Variants in ARHGAP42 observed in about 807,000 individuals in gnomAD.
The protein encoded by ARHGAP42 is rho GTPase-activating protein 42.
A neutral mutation model predicts 125.0 loss-of-function variants in ARHGAP42; 63 were observed. The observed-to-expected ratio is 0.50, with a 90% CI of 0.41 to 0.62. ARHGAP42 has a LOEUF of 0.62. Among genes scored for constraint, ARHGAP42 ranks in the 20% least tolerant of loss-of-function variants. ARHGAP42 has a pLI of 0.00. For missense variants in ARHGAP42, 766 were observed against 1,024.2 expected (o/e 0.75, Z 3.44); for synonymous variants, 339 against 351.0 (o/e 0.97, Z 0.38).
intron 22 of ARHGAP42, among the ~76,000 whole-genome samples, chr11:100,981,015 C>A (rs1355249681): frequency 6.6e-6 from 1 of 152,208 alleles, no homozygotes. Context: ...TGTGTGACAA[C>A]TTTTCACTGA....
chr11:100,781,953 A>G (rs1304479746), intron 2 of ARHGAP42, among the ~76,000 whole-genome samples: 1 of 144,932 alleles, frequency 6.9e-6, no homozygotes, highest in Admixed American at 7.0e-5. Flanking sequence ...TTTTTTGTGC[A>G]TTTAGAGCAT....
At chr11:100,878,347 C>G (rs1290158651) in intron 4 of ARHGAP42, among the ~76,000 whole-genome samples, 1 of 151,962 alleles carries the variant, frequency 6.6e-6, no homozygotes, top group Non-Finnish European at 1.5e-5. Flanking sequence ...TCAACTGTTT[C>G]CTTTTGGGTT....
intron 1 of ARHGAP42, among the ~76,000 whole-genome samples, chr11:100,725,146 G>T (rs192595080): frequency 6.7e-6 from 1 of 149,900 alleles, no homozygotes; most frequent in African/African-American, 2.4e-5. Context: ...TCCCTTATGC[G>T]CCCATTTTAT....
rs1368334889 is a variant in ARHGAP42 at position 100,974,447 on chromosome 11, T to C, written c.1711-12T>C. 2.6e-6 allele frequency: 4 copies of C among 1,547,668 alleles called. No individual in the cohort carries two copies. In the Admixed American group the frequency reaches 7.9e-5, roughly 30 times the overall value. The stretch of plus-strand genomic sequence containing the variant: ...CCTTTTATTGACCTTGGTCCATTTT[T>C]CTTATACGTAGATTTTTCATACTGC... On this transcript the variant is annotated splice_polypyrimidine_tract_variant and intron_variant, in intron 18 of 23. Coordinates refer to ENST00000298815, the MANE Select transcript of ARHGAP42 (RefSeq NM_152432.4).
Position 100,687,804 on chromosome 11 carries a change from C to A in ARHGAP42, c.126C>A (p.Asp42Glu). The change falls in exon 1 of 24, where the codon GAC becomes GAA. Residue 42 changes from aspartate to glutamate, a missense_variant. Physicochemically the swap from Asp to Glu is conservative, Grantham distance 45 (BLOSUM62 2). Around this residue, in one of 3 missense-constraint regions of ARHGAP42, gnomAD observed 455 missense variants for 636.5 expected, o/e 0.71. Coordinates refer to ENST00000298815, the MANE Select transcript of ARHGAP42 (RefSeq NM_152432.4). ...TNKFIKELIK[D>E]GSLLIGALRN... ...AGTTCATCAAGGAGCTCATTAAGGA[C>A]GGCTCTCTGCTCATTGGGGCGTTGA... 6.4e-7 allele frequency: 1 copy of A among 1,550,630 alleles called. No homozygotes were observed. The highest frequency in any genetic ancestry group is 8.7e-7 in the Non-Finnish European group (1 of 1,146,356).
chr11:100,992,991 A>C lies in ARHGAP42; in HGVS notation c.*4190A>C. The C allele has an allele frequency of 3.1e-6, 1 of 320,212 alleles. No individual in the cohort carries two copies. Among genetic ancestry groups the C allele is most frequent in the Non-Finnish European group, 6.0e-6 (1 of 166,234 alleles). 19.8% of individuals were successfully genotyped at this position (320,212 alleles called of 1,614,324 possible). A position where few individuals can be genotyped will look rare whatever the true frequency, so the allele number is the denominator to read the frequency against. ...AATGGAGTCTGTGTGCTTACTGAAGAGTCCCAAAAACCAGAGACCATTTTC... is the reference window on the plus strand; with the variant it reads ...AATGGAGTCTGTGTGCTTACTGAAGCGTCCCAAAAACCAGAGACCATTTTC... On this transcript the variant is annotated 3_prime_UTR_variant, in exon 24 of 24. Transcript: ENST00000298815.
At chr11:100,934,830 C>T (rs752829979) in intron 7 of ARHGAP42, among the ~76,000 whole-genome samples, 1 of 152,040 alleles carries the variant, frequency 6.6e-6, no homozygotes, top group Non-Finnish European at 1.5e-5. Flanking sequence ...GGATTTATTC[C>T]CTTGTGTTTT....
At chr11:100,913,272 A>C (rs1464635484) in intron 4 of ARHGAP42, among the ~76,000 whole-genome samples, 180 bp from the exon 5 acceptor site, 3 of 152,220 alleles carry the variant, frequency 2.0e-5, no homozygotes, top group African/African-American at 4.8e-5. Flanking sequence ...AGCAGAGTAC[A>C]TACTGAAATG....
intron 1 of ARHGAP42, among the ~76,000 whole-genome samples, chr11:100,737,862 T>C (rs1322591509): frequency 6.6e-6 from 1 of 152,254 alleles, no homozygotes; most frequent in African/African-American, 2.4e-5. Context: ...TTAGTGTTTT[T>C]AGTTGCTTGC....
At position 100,992,327 on chromosome 11, in the gene ARHGAP42, G is replaced by A. The variant is rs375608903; in HGVS notation, c.*3526G>A. 3.1e-5 allele frequency: 50 copies of A among 1,608,876 alleles called. 1 individual carries two copies. In the Middle Eastern group the frequency reaches 5.0e-4, roughly 16 times the overall value. ...TGTTAGCATGACCTCACATCACTGC[G>A]TAGGACCCGGAAATCACATCTCCTG... is the stretch of plus-strand genomic sequence containing the variant. On this transcript the variant is annotated 3_prime_UTR_variant, in exon 24 of 24. Transcript: ENST00000298815.
rs947839222 is a variant in ARHGAP42, at chr11:100,701,768, A to G, written c.154+13936A>G. The stretch of plus-strand genomic sequence containing the variant: ...TCTACAGACCACTCAGACTTTCTGC[A>G]TATCAGCAATAAGGCTGTTTTGCTT... On this transcript the variant is annotated intron_variant, in intron 1 of 23. Transcript: ENST00000298815. 3.3e-5 allele frequency among the ~76,000 whole-genome samples: 5 copies of G among 152,196 alleles called. No individual in the cohort carries two copies. The South Asian group carries it at 6.2e-4, about 19-fold the overall frequency.
At chr11:100,951,952 C>T (rs1194719018) in intron 12 of ARHGAP42, among the ~76,000 whole-genome samples, 1 of 152,074 alleles carries the variant, frequency 6.6e-6, no homozygotes, top group Non-Finnish European at 1.5e-5. Flanking sequence ...ATGTGCTGAG[C>T]ACAGATGTGC....
rs1027697854 is a variant in ARHGAP42, at chr11:100,973,146, A to G, written c.1551-29A>G. On this transcript the variant is annotated intron_variant, in intron 17 of 23. Coordinates refer to ENST00000298815, the MANE Select transcript of ARHGAP42 (RefSeq NM_152432.4). Reference sequence around the variant, plus strand: ...TTCATAATTTTGAAACATATAACTTAAGATATTTTTGTTGCTTTTTATTTG... The same window carrying G: ...TTCATAATTTTGAAACATATAACTTGAGATATTTTTGTTGCTTTTTATTTG... 6 of 1,486,428 alleles carry G rather than the reference A, an allele frequency of 4.0e-6. No individual in the cohort carries two copies. In the South Asian group the frequency reaches 8.0e-5, roughly 20 times the overall value. 92.1% of individuals were successfully genotyped at this position (1,486,428 alleles called of 1,614,324 possible).
chr11:100,769,997 A>G (rs1862935831), intron 1 of ARHGAP42, among the ~76,000 whole-genome samples: 1 of 152,120 alleles, frequency 6.6e-6, no homozygotes, highest in Non-Finnish European at 1.5e-5. Flanking sequence ...ATAAAATAAA[A>G]TAAAAATGCT....
chr11:100,947,942 A>G (rs1868068236), intron 10 of ARHGAP42, among the ~76,000 whole-genome samples: 1 of 152,028 alleles, frequency 6.6e-6, no homozygotes, highest in African/African-American at 2.4e-5. Context: ...TTATTTTTAA[A>G]TGAATTCATT....
intron 2 of ARHGAP42, among the ~76,000 whole-genome samples, chr11:100,791,666 T>G (rs1447834732): frequency 1.3e-5 from 2 of 151,446 alleles, no homozygotes; most frequent in African/African-American, 4.9e-5. Context: ...TTTTTTGAAG[T>G]CCTTTCCCTG....
intron 6 of ARHGAP42, among the ~76,000 whole-genome samples, chr11:100,922,183 G>A (rs73578194): frequency 0.014 from 2,190 of 152,198 alleles, 58 homozygotes; most frequent in African/African-American, 0.049. Context: ...ATGTTTAGAC[G>A]GAGAGGGAAA....
chr11:100,734,524 G>A (rs192168428), intron 1 of ARHGAP42, among the ~76,000 whole-genome samples: 11 of 152,170 alleles, frequency 7.2e-5, no homozygotes, highest in Admixed American at 5.2e-4. Flanking sequence ...CAGGTGATCC[G>A]CCCTACTTGG....
chr11:100,919,708 T>G (rs951882521), intron 5 of ARHGAP42, among the ~76,000 whole-genome samples: 1 of 152,136 alleles, frequency 6.6e-6, no homozygotes, highest in African/African-American at 2.4e-5. Flanking sequence ...AGCCTGACAT[T>G]ATCTTTTAAA....
Sources: gnomAD v4.1 joint callset for allele counts (sites outside exome capture counted in the v4.1 genomes callset) on GRCh38, gnomAD v4.1.1 for gene constraint, gnomAD v4.1.1 regional missense constraint, MANE v1.5 for transcripts, NCBI Gene and HGNC (gene_info 2026-07-23, HGNC 2026-07-21) for gene names.